Variants in MEGF11 observed in about 807,000 individuals in gnomAD.
MEGF11 encodes the protein multiple epidermal growth factor-like domains protein 11.
A neutral mutation model predicts 146.6 loss-of-function variants in MEGF11; 126 were observed. The ratio of observed to expected loss-of-function variants is 0.86; its 90% confidence interval spans 0.74 to 1.00. The LOEUF is 1.00. Ranked by LOEUF, MEGF11 falls within the 50% of genes least tolerant of loss-of-function variation. The pLI is 0.00. For synonymous variants in MEGF11, 532 were observed against 583.4 expected (o/e 0.91, Z 1.27); for missense variants, 1,509 against 1,521.2 (o/e 0.99, Z 0.13).
intron 1 of MEGF11, among the ~76,000 whole-genome samples, chr15:66,243,756 G>A (rs1018159462): frequency 6.6e-5 from 10 of 152,096 alleles, no homozygotes; most frequent in African/African-American, 2.4e-4. Flanking sequence ...GGCAAGTCAG[G>A]CAGGGGAAGG....
intron 5 of MEGF11, among the ~76,000 whole-genome samples, chr15:66,024,125 T>A (rs1197325065): frequency 6.6e-6 from 1 of 152,222 alleles, no homozygotes; most frequent in Non-Finnish European, 1.5e-5. Context: ...GGAACCAGAC[T>A]CTGGATCTTG....
intron 1 of MEGF11, among the ~76,000 whole-genome samples, chr15:66,156,607 C>T (rs2089768722): frequency 6.6e-6 from 1 of 152,022 alleles, no homozygotes; most frequent in African/African-American, 2.4e-5. Context: ...AGACTCCTGC[C>T]AGCCCCTTGG....
rs768650534 is a variant in MEGF11 at position 65,916,282 on chromosome 15, G to GA, written c.2216-7dup. The GA allele has an allele frequency of 1.9e-6, 3 of 1,553,578 alleles. No homozygotes were observed. The highest frequency in any genetic ancestry group is 1.7e-4 in the Middle Eastern group (1 of 5,978). On this transcript the variant is annotated splice_region_variant and splice_polypyrimidine_tract_variant and intron_variant, in intron 17 of 25. Coordinates refer to ENST00000395614, the MANE Select transcript of MEGF11 (RefSeq NM_001385028.1). ...AAAAAATGCTGCTGGGCAGCCTAGA[G>GA]AAACAGGATTTCCAGTCACGAGAGT...
intron 1 of MEGF11, among the ~76,000 whole-genome samples, chr15:66,215,952 A>G (rs1230402019): frequency 6.6e-6 from 1 of 152,214 alleles, no homozygotes; most frequent in Non-Finnish European, 1.5e-5. Flanking sequence ...AGGCTCTCCA[A>G]CCCGTCTGAG....
chr15:66,141,287 TGTGA>T (rs1293100420), intron 1 of MEGF11, among the ~76,000 whole-genome samples: 504 of 98,830 alleles, frequency 5.1e-3, no homozygotes, highest in African/African-American at 0.019. Context: ...TGTGTGTGTG[TGTGA>T]GAGAGAGAGA....
chr15:66,206,526 A>T (rs2091303413), intron 1 of MEGF11, among the ~76,000 whole-genome samples: 1 of 152,186 alleles, frequency 6.6e-6, no homozygotes, highest in African/African-American at 2.4e-5. Flanking sequence ...AAGAAAAACA[A>T]TTGAAAGCAG....
At chr15:66,239,093 AACCCAGGCACTCTGGTCTCTG>A (rs1163699809) in intron 1 of MEGF11, among the ~76,000 whole-genome samples, 1 of 152,172 alleles carries the variant, frequency 6.6e-6, no homozygotes, top group East Asian at 1.9e-4. Flanking sequence ...CTGGGGTTCG[AACCCAGGCACTCTGGTCTCTG>A]ACCCACTTCA....
intron 1 of MEGF11, among the ~76,000 whole-genome samples, chr15:66,175,954 T>A (rs1052719831): frequency 6.6e-6 from 1 of 151,986 alleles, no homozygotes; most frequent in Non-Finnish European, 1.5e-5. Context: ...TATAAGGCAC[T>A]CAACAACAAC....
intron 5 of MEGF11, among the ~76,000 whole-genome samples, chr15:66,032,046 G>T (rs537933228): frequency 2.0e-5 from 3 of 152,190 alleles, no homozygotes; most frequent in Non-Finnish European, 4.4e-5. Flanking sequence ...GAGGGATCTA[G>T]GTTGCAAGCT....
intron 11 of MEGF11, among the ~76,000 whole-genome samples, chr15:65,930,556 C>T (rs879871704): frequency 7.2e-5 from 11 of 152,218 alleles, no homozygotes; most frequent in Non-Finnish European, 1.6e-4. Flanking sequence ...GCTTCTCCCA[C>T]AGGTGTTAAC....
chr15:66,015,334 T>A (rs1461525675), intron 5 of MEGF11, among the ~76,000 whole-genome samples: 2 of 152,220 alleles, frequency 1.3e-5, no homozygotes, highest in Non-Finnish European at 2.9e-5. Context: ...CAAAAGTTGC[T>A]CTCGGCTAGA....
At chr15:66,133,626 C>T (rs1294958560) in intron 1 of MEGF11, among the ~76,000 whole-genome samples, 2 of 152,110 alleles carry the variant, frequency 1.3e-5, no homozygotes, top group South Asian at 4.1e-4. Context: ...TATTTACTGG[C>T]CTTGCTAGGG....
intron 1 of MEGF11, among the ~76,000 whole-genome samples, chr15:66,177,738 G>A (rs1014129713): frequency 6.7e-6 from 1 of 149,558 alleles, no homozygotes; most frequent in Admixed American, 6.7e-5. Context: ...AGACTGAAGT[G>A]CAGTGGCGGA....
chr15:65,899,026 C>T (rs2078426917), intron 24 of MEGF11, 92 bp from the exon 25 acceptor site: 2 of 1,278,050 alleles, frequency 1.6e-6, no homozygotes, highest in Non-Finnish European at 1.1e-6. Context: ...TATGTGCCTT[C>T]AGGATCTTAG....
In MEGF11 at chr15:66,123,976, C is replaced by G; in HGVS notation, c.123G>C (p.Ser41=). ...AGATCTGATCGAAGGGGTGTGCATA[C>G]GATTCCTGGACAGTCACAGCATAGC... ...WESYAVTVQE[S]YAHPFDQIYY... Residue 41 remains serine (S), a synonymous_variant, in exon 3 of 26, where the codon TCG becomes TCC. Transcript: ENST00000395614. 6.2e-7 allele frequency: 1 copy of G among 1,613,878 alleles called. No individual in the cohort carries two copies. The highest frequency in any genetic ancestry group is 1.1e-5 in the South Asian group (1 of 91,070).
At chr15:65,921,358 GGTCCCA>G (rs2079164193) in intron 15 of MEGF11, among the ~76,000 whole-genome samples, 1 of 152,134 alleles carries the variant, frequency 6.6e-6, no homozygotes, top group South Asian at 2.1e-4. Context: ...CTGTTCTGAA[GGTCCCA>G]GCCTACCTTC....
chr15:65,917,875 G>C, intron 16 of MEGF11, 91 bp downstream of exon 16: 1 of 1,487,780 alleles, frequency 6.7e-7, no homozygotes, highest in East Asian at 2.3e-5. Flanking sequence ...CCTGGAAGTG[G>C]AGGCACCAGG....
intron 4 of MEGF11, among the ~76,000 whole-genome samples, chr15:66,118,611 T>C (rs138391486): frequency 6.6e-6 from 1 of 152,318 alleles, no homozygotes; most frequent in African/African-American, 2.4e-5. Flanking sequence ...CATCCTTTTC[T>C]TACTGTGGTT....
At chr15:66,024,801 C>T (rs574595511) in intron 5 of MEGF11, among the ~76,000 whole-genome samples, 5 of 152,146 alleles carry the variant, frequency 3.3e-5, no homozygotes, top group South Asian at 2.1e-4. Flanking sequence ...GGGGCCGGGA[C>T]GGGGGCACTG....
Sources: gnomAD v4.1 joint callset for allele counts (sites outside exome capture counted in the v4.1 genomes callset) on GRCh38, gnomAD v4.1.1 for gene constraint, MANE v1.5 for transcripts, NCBI Gene and HGNC (gene_info 2026-07-23, HGNC 2026-07-21) for gene names.